The following DHX32 variants were observed in gnomAD, a reference collection of about 807,000 sequenced individuals.
DHX32 encodes putative pre-mRNA-splicing factor ATP-dependent RNA helicase DHX32.
In DHX32, 51 loss-of-function variants were observed where a neutral mutation model predicts 70.0. The observed-to-expected ratio is 0.73, with a 90% confidence interval of 0.58 to 0.92. The LOEUF is 0.92. DHX32 is among the 40% of genes least tolerant of loss of function. The pLI, the probability that DHX32 is intolerant of heterozygous loss-of-function variation, is 0.00. For missense variants in DHX32, 762 were observed against 891.8 expected (o/e 0.85, Z 1.85); for synonymous variants, 310 against 315.3 (o/e 0.98, Z 0.18).
At chr10:125,852,161 G>A (rs767608634) in intron 6 of DHX32, 132 bp downstream of exon 6, 265 of 1,110,142 alleles carry the variant, frequency 2.4e-4, no homozygotes, top group Non-Finnish European at 3.2e-4. Flanking sequence ...GCAGGAAAAT[G>A]CTTCAGTCCA....
At chr10:125,873,899 T>C (rs1265720549) in intron 1 of DHX32, among the ~76,000 whole-genome samples, 3 of 152,224 alleles carry the variant, frequency 2.0e-5, no homozygotes, top group African/African-American at 7.2e-5. Context: ...TTCTAAGTCA[T>C]ACATCTTTTA....
chr10:125,866,928 A>C lies in DHX32; in HGVS notation c.476+62T>G. On this transcript the variant is annotated intron_variant, in intron 2 of 10. Coordinates refer to ENST00000284690, the MANE Select transcript of DHX32 (RefSeq NM_018180.3). The surrounding 1 kb of genome is among the most constrained non-coding windows in gnomAD (Gnocchi z 4.8). ...TAGAATGCCAGAATAATGCTCCTTC[A>C]GAATTGTAGAACCTAAGCCAAGAAT... The C allele has an allele frequency of 6.5e-7, 1 of 1,526,806 alleles. No homozygotes were observed. The highest frequency in any genetic ancestry group is 8.9e-7 in the Non-Finnish European group (1 of 1,119,478). The allele number at this position is 1,526,806 out of a possible 1,614,324, so 94.6% of individuals were successfully genotyped here.
intron 1 of DHX32, among the ~76,000 whole-genome samples, chr10:125,888,604 C>T (rs1371448774): frequency 6.6e-6 from 1 of 152,288 alleles, no homozygotes; most frequent in East Asian, 1.9e-4. Flanking sequence ...TAATCTTCTA[C>T]AATACAAATC....
At chr10:125,890,630 A>G (rs1337680601) in intron 1 of DHX32, 3 of 152,340 alleles carry the variant, frequency 2.0e-5, no homozygotes, top group Non-Finnish European at 4.4e-5. Context: ...TATTATATTA[A>G]TAACAACAGA....
At position 125,852,322 on chromosome 10, in the gene DHX32, A is replaced by C; in HGVS notation, c.1322T>G (p.Leu441Arg). 6.2e-7 allele frequency: 1 copy of C among 1,614,214 alleles called. No individual in the cohort carries two copies. The change falls in exon 6 of 11, where the codon CTA becomes CGA. Residue 441 changes from leucine (L) to arginine (R), a missense_variant. Transcript: ENST00000284690. ...TCTGTTCATGAAGTCACAGTGGCCT[A>C]GGCCCGCAATGTCTATCCTCTTCAT... ...LFMKRIDIAG[L>R]GHCDFMNRPA... is the part of the protein sequence containing the mutation.
intron 3 of DHX32, 65 bp from the exon 4 acceptor site, chr10:125,854,268 C>A: frequency 1.4e-6 from 2 of 1,473,512 alleles, no homozygotes; most frequent in Non-Finnish European, 1.8e-6. Context: ...AAAAAAATGT[C>A]TGAATTACAA....
At chr10:125,853,908 A>G in intron 4 of DHX32, 53 bp downstream of exon 4, 1 of 1,574,648 alleles carries the variant, frequency 6.4e-7, no homozygotes. Context: ...AAACTGAGAA[A>G]CTAGTGCTTG....
In DHX32 at chr10:125,895,576, C is replaced by T. The variant is rs548685424; in HGVS notation, c.-248+642G>A. ...TAATCTCTTGTGATCCTCAAAGCTT[C>T]CTTAAAGCAAACCCTGAATCACTGT... On this transcript the variant is annotated intron_variant, in intron 1 of 2. Coordinates refer to the DHX32 transcript ENST00000415732. 3.0e-4 allele frequency among the ~76,000 whole-genome samples: 45 copies of T among 152,340 alleles called. No homozygotes were observed. The South Asian group carries it at 3.9e-3, about 13-fold the overall frequency.
intron 8 of DHX32, among the ~76,000 whole-genome samples, chr10:125,840,257 G>A (rs1854834471): frequency 6.6e-6 from 1 of 152,160 alleles, no homozygotes; most frequent in Non-Finnish European, 1.5e-5. Context: ...CCTGTGACAG[G>A]TAAGCTACCC....
At chr10:125,881,368 G>C (rs974157785), upstream of DHX32, 1 of 152,618 alleles carries the variant, frequency 6.6e-6, no homozygotes, top group Non-Finnish European at 1.5e-5. Context: ...AAAGCAACAG[G>C]AGGGACAGGA....
At position 125,889,084 on chromosome 10, in the gene DHX32, T is replaced by C. The variant is rs531743339; in HGVS notation, c.-248+7134A>G. Among the ~76,000 whole-genome samples, 239 of 152,292 alleles carry C rather than the reference T, an allele frequency of 1.6e-3. 2 individuals carry two copies. The highest frequency in any genetic ancestry group is 0.012 in the South Asian group (57 of 4,820). On this transcript the variant is annotated intron_variant, in intron 1 of 2. Coordinates refer to the DHX32 transcript ENST00000415732. ...CAAAAAAATAATTAATTCTGTCCCA[T>C]TGTGGTAGCAGCTCAGCAAAAGGAA...
intron 7 of DHX32, chr10:125,841,303 T>C (rs145631944): frequency 2.2e-5 from 35 of 1,614,006 alleles, no homozygotes; most frequent in Non-Finnish European, 2.5e-5. Flanking sequence ...AAGAAGAGGA[T>C]TGGAACCAGT....
In DHX32 at chr10:125,859,845, C is replaced by CT. The variant is rs767373979; in HGVS notation, c.606dup (p.Asp203ArgfsTer14). The CT allele has an allele frequency of 6.2e-7, 1 of 1,614,084 alleles. No individual in the cohort carries two copies. The highest frequency in any genetic ancestry group is 2.2e-5 in the East Asian group (1 of 44,866). ...AGTTCTGGTCTTGCTAGTAAAACAT[C>CT]TTTAAGAAGTCCAAGTAACACATCA... is the stretch of plus-strand genomic sequence containing the variant. On this transcript the variant is annotated frameshift_variant, in exon 3 of 11. Coordinates refer to ENST00000284690, the MANE Select transcript of DHX32 (RefSeq NM_018180.3). LOFTEE classifies it high-confidence loss of function.
Position 125,836,475 on chromosome 10 carries a change from T to G in DHX32, c.*212A>C. 7.2e-7 allele frequency: 1 copy of G among 1,391,072 alleles called. No homozygotes were observed. Among genetic ancestry groups the G allele is most frequent in the African/African-American group, 1.5e-5 (1 of 68,856 alleles). 86.2% of individuals were successfully genotyped at this position (1,391,072 alleles called of 1,614,324 possible). A position where few individuals can be genotyped will look rare whatever the true frequency, so the allele number is the denominator to read the frequency against. On this transcript the variant is annotated 3_prime_UTR_variant, in exon 11 of 11. Transcript: ENST00000284690. ...AATTATGAGTGGTTGATTTAAAAAC[T>G]TTTCCAAGAAGAAGAAAAGCATGGA...
chr10:125,859,932 G>A lies in DHX32; in HGVS notation c.520C>T (p.Pro174Ser). 6.2e-7 allele frequency: 1 copy of A among 1,610,474 alleles called. No homozygotes were observed. Among genetic ancestry groups the A allele is most frequent in the Non-Finnish European group, 8.5e-7 (1 of 1,178,664 alleles). Residue 174 changes from proline (P) to serine (S), a missense_variant, in exon 3 of 11, where the codon CCT (proline) becomes TCT (serine). This residue lies in a region of DHX32 where 394 missense variants were observed against 473.1 expected (regional missense o/e 0.83). Transcript: ENST00000284690. ...ATGACCCCATAGCTACCCAAAAAAGGATTGGACATCATTTCTCTTTGCAGC... is the reference window on the plus strand; with the variant it reads ...ATGACCCCATAGCTACCCAAAAAAGAATTGGACATCATTTCTCTTTGCAGC... ...DMLQREMMSN[P>S]FLGSYGVIIL... is the part of the protein sequence containing the mutation.
chr10:125,857,508 C>T (rs888498334), intron 3 of DHX32, among the ~76,000 whole-genome samples: 4 of 152,190 alleles, frequency 2.6e-5, no homozygotes, highest in African/African-American at 7.2e-5. Context: ...TTTCATGGCA[C>T]TCTCACTTTA....
At chr10:125,846,130 G>A (rs1299528373) in intron 6 of DHX32, among the ~76,000 whole-genome samples, 1 of 152,118 alleles carries the variant, frequency 6.6e-6, no homozygotes, top group Non-Finnish European at 1.5e-5. Flanking sequence ...CAAGCGTAAG[G>A]GCATTGGGAA....
chr10:125,866,696 G>T lies in DHX32; in HGVS notation c.476+294C>A, dbSNP rs143050768. ...TGGCTTGCACACAGGCAATGATGTG[G>T]ACCCTGCATGAGGCATAGCTCCAGA... On this transcript the variant is annotated intron_variant, in intron 2 of 10. Coordinates refer to ENST00000284690, the MANE Select transcript of DHX32 (RefSeq NM_018180.3). This position sits in a 1 kb window ranked among gnomAD's most constrained non-coding sequence, Gnocchi z 4.8. 1.2e-3 allele frequency among the ~76,000 whole-genome samples: 190 copies of T among 152,334 alleles called. 1 individual carries two copies. Among genetic ancestry groups the T allele is most frequent in the African/African-American group, 4.5e-3 (188 of 41,586 alleles).
intron 6 of DHX32, among the ~76,000 whole-genome samples, chr10:125,843,170 T>C (rs1854928153): frequency 6.6e-6 from 1 of 152,094 alleles, no homozygotes; most frequent in African/African-American, 2.4e-5. Flanking sequence ...GCCACTAGGT[T>C]GGTTTTGTTT....
Sources: allele counts gnomAD v4.1 joint callset (sites outside exome capture counted in the v4.1 genomes callset), GRCh38; gene constraint gnomAD v4.1.1; regional missense constraint gnomAD v4.1.1; non-coding constraint Gnocchi (gnomAD v3.1); transcripts MANE v1.5; gene names NCBI Gene and HGNC (gene_info 2026-07-23, HGNC 2026-07-21).